The following EIF3H variants were observed in gnomAD, a reference collection of about 807,000 sequenced individuals.
EIF3H encodes the protein eukaryotic translation initiation factor 3 subunit H, also known as eIF-3-gamma.
In EIF3H, 26 loss-of-function variants were observed where a neutral mutation model predicts 44.2. The ratio of observed to expected loss-of-function variants is 0.59; its 90% CI spans 0.43 to 0.82. The LOEUF is 0.82. Among genes scored for constraint, EIF3H ranks in the 40% least tolerant of loss-of-function variants. The probability of loss-of-function intolerance (pLI) is 0.00; values close to 1 mark genes in which losing one functional copy is unlikely to be tolerated. For missense variants in EIF3H, 359 were observed against 432.8 expected, an observed-to-expected ratio of 0.83 and a Z score of 1.51; for synonymous variants, 166 against 151.9, an observed-to-expected ratio of 1.09 and a Z score of -0.68.
chr8:116,711,830 GTCC>G (rs939292081), intron 2 of EIF3H, among the ~76,000 whole-genome samples: 2 of 152,090 alleles, frequency 1.3e-5, no homozygotes, highest in Non-Finnish European at 2.9e-5. Flanking sequence ...ACTAAAACAA[GTCC>G]TCCTCATGCT....
intron 2 of EIF3H, among the ~76,000 whole-genome samples, chr8:116,679,619 G>A (rs1201649210): frequency 2.7e-4 from 6 of 21,844 alleles, no homozygotes; most frequent in African/African-American, 7.3e-4. Context: ...CAGCCGCCCC[G>A]TCCGGGAGGG....
chr8:116,650,446 T>C (rs1025862906), intron 5 of EIF3H, among the ~76,000 whole-genome samples: 2 of 152,182 alleles, frequency 1.3e-5, no homozygotes, highest in African/African-American at 4.8e-5. Context: ...AACTCATACA[T>C]GTATGTTAAT....
At chr8:116,676,845 C>G (rs1359268117) in intron 2 of EIF3H, among the ~76,000 whole-genome samples, 1 of 152,150 alleles carries the variant, frequency 6.6e-6, no homozygotes, top group African/African-American at 2.4e-5. Flanking sequence ...CTAAATTATG[C>G]TATAATTGTC....
chr8:116,687,425 A>T (rs1814095029), intron 2 of EIF3H, among the ~76,000 whole-genome samples: 1 of 152,192 alleles, frequency 6.6e-6, no homozygotes, highest in Non-Finnish European at 1.5e-5. Context: ...GAGCTTCAGC[A>T]AAAGAAAAGC....
rs950679393 is a variant in EIF3H, at chr8:116,724,353, A to G, written c.289+1663T>C. Among the ~76,000 whole-genome samples, 4 of 152,142 alleles carry G rather than the reference A, an allele frequency of 2.6e-5. 1 individual carries two copies. Among genetic ancestry groups the G allele is most frequent in the Admixed American group, 6.6e-5 (1 of 15,264 alleles). The stretch of plus-strand genomic sequence containing the variant: ...ACATAAGACCTGAAACTTCCTACCA[A>G]AAAACAGAGGAAAAAAGCTTCATGA... On this transcript the variant is annotated intron_variant, in intron 2 of 7. Transcript: ENST00000521861.
At chr8:116,722,339 T>C (rs1814762463) in intron 2 of EIF3H, among the ~76,000 whole-genome samples, 2 of 152,172 alleles carry the variant, frequency 1.3e-5, no homozygotes, top group African/African-American at 4.8e-5. Context: ...GTGAATCCAT[T>C]AAACCTTTTT....
chr8:116,675,426 T>C (rs1260405001), intron 2 of EIF3H, among the ~76,000 whole-genome samples: 2 of 152,180 alleles, frequency 1.3e-5, no homozygotes, highest in East Asian at 1.9e-4. Context: ...ATCCTGTGCA[T>C]TGTAAGATGT....
At position 116,752,795 on chromosome 8, in the gene EIF3H, G is replaced by GGGAAGGAAGGAA. The variant is rs1302875837; in HGVS notation, c.132+2859_132+2870dup. On this transcript the variant is annotated intron_variant, in intron 1 of 7. Coordinates refer to ENST00000521861, the MANE Select transcript of EIF3H (RefSeq NM_003756.3). Reference sequence around the variant, plus strand: ...AGGGAGGGAGGGAGGGAGGGAGGGAGGGAAGGAAGGAAGGAAGGAAGGAAG... The same window carrying GGGAAGGAAGGAA: ...AGGGAGGGAGGGAGGGAGGGAGGGAGGGAAGGAAGGAAGGAAGGAAGGAAGGAAGGAAGGAAG... 1.3e-3 allele frequency among the ~76,000 whole-genome samples: 107 copies of GGGAAGGAAGGAA among 80,374 alleles called. 4 individuals are homozygous for GGGAAGGAAGGAA. Among genetic ancestry groups the GGGAAGGAAGGAA allele is most frequent in the East Asian group, 3.3e-3 (3 of 922 alleles). 52.7% of individuals were successfully genotyped at this position (80,374 alleles called of 152,430 possible).
chr8:116,646,019 A>G (rs971840845), intron 7 of EIF3H, among the ~76,000 whole-genome samples: 4 of 152,232 alleles, frequency 2.6e-5, no homozygotes, highest in Non-Finnish European at 5.9e-5. Flanking sequence ...CATTAAGTAT[A>G]ACCAGAAAAA....
intron 2 of EIF3H, chr8:116,697,024 T>G: frequency 2.2e-6 from 1 of 453,694 alleles, no homozygotes; most frequent in South Asian, 1.6e-5. Flanking sequence ...GAGATAACAG[T>G]AGTCTCACTG....
At chr8:116,720,490 C>G (rs943348828) in intron 2 of EIF3H, among the ~76,000 whole-genome samples, 4 of 152,090 alleles carry the variant, frequency 2.6e-5, no homozygotes, top group Non-Finnish European at 5.9e-5. Context: ...TGCCATGTCT[C>G]AGGTATGTCT....
intron 2 of EIF3H, among the ~76,000 whole-genome samples, chr8:116,670,895 G>C (rs1455013745): frequency 6.6e-6 from 1 of 152,200 alleles, no homozygotes; most frequent in Non-Finnish European, 1.5e-5. Flanking sequence ...GTAATCTGAA[G>C]CTCATGAAGA....
At chr8:116,646,258 C>T (rs1813295854) in intron 7 of EIF3H, among the ~76,000 whole-genome samples, 1 of 152,172 alleles carries the variant, frequency 6.6e-6, no homozygotes, top group Non-Finnish European at 1.5e-5. Flanking sequence ...TTTAGAAACA[C>T]AGAGTGAAGC....
At chr8:116,704,471 T>C (rs1371010948) in intron 2 of EIF3H, among the ~76,000 whole-genome samples, 1 of 152,242 alleles carries the variant, frequency 6.6e-6, no homozygotes, top group Non-Finnish European at 1.5e-5. Context: ...TCTCACTTTT[T>C]AATGACCTTC....
chr8:116,652,684 G>A (rs1586432369), intron 5 of EIF3H, among the ~76,000 whole-genome samples: 10 of 151,570 alleles, frequency 6.6e-5, no homozygotes, highest in Admixed American at 6.6e-4. Context: ...ATGGATGGAT[G>A]TTCACTGTAT....
At chr8:116,666,986 C>G (rs114755935) in intron 2 of EIF3H, among the ~76,000 whole-genome samples, 2 of 152,122 alleles carry the variant, frequency 1.3e-5, no homozygotes, top group African/African-American at 4.8e-5. Context: ...CATGTGTACA[C>G]GCTCTGCCCC....
chr8:116,662,841 A>C (rs1471499560), intron 2 of EIF3H, among the ~76,000 whole-genome samples: 1 of 152,236 alleles, frequency 6.6e-6, no homozygotes, highest in African/African-American at 2.4e-5. Flanking sequence ...TCGTGAAATT[A>C]TGGCATGCTG....
intron 2 of EIF3H, among the ~76,000 whole-genome samples, chr8:116,702,187 GA>G: frequency 6.6e-6 from 1 of 152,260 alleles, no homozygotes; most frequent in South Asian, 2.1e-4. Flanking sequence ...AGGGGGTAGA[GA>G]AAACAGAATA....
intron 1 of EIF3H, among the ~76,000 whole-genome samples, chr8:116,734,690 G>T (rs1391021367): frequency 2.0e-5 from 3 of 152,038 alleles, no homozygotes; most frequent in East Asian, 1.9e-4. Flanking sequence ...CTAGTAGCTG[G>T]AATTACAGGT....
Sources: gnomAD v4.1 joint callset for allele counts (sites outside exome capture counted in the v4.1 genomes callset) on GRCh38, gnomAD v4.1.1 for gene constraint, MANE v1.5 for transcripts, NCBI Gene and HGNC (gene_info 2026-07-23, HGNC 2026-07-21) for gene names.